ANO4: variants seen among roughly 807,000 people sequenced by gnomAD.
ANO4 encodes the protein anoctamin 4, also known as anoctamin-4.
A neutral mutation model predicts 141.9 loss-of-function variants in ANO4; 69 were observed. That is an observed-to-expected ratio of 0.49 (90% CI 0.40 to 0.59). The LOEUF (loss-of-function observed/expected upper bound fraction) is 0.59, where lower values mean the gene tolerates loss of function less well. ANO4 is among the 20% of genes least tolerant of loss of function. The probability of loss-of-function intolerance (pLI) is 0.00; values close to 1 mark genes in which losing one functional copy is unlikely to be tolerated. For missense variants in ANO4, 894 were observed against 1,162.2 expected, an observed-to-expected ratio of 0.77 and a Z score of 3.36; for synonymous variants, 350 against 394.3, an observed-to-expected ratio of 0.89 and a Z score of 1.33.
In ANO4 at chr12:101,098,982, A is replaced by G. The variant is rs60365308; in HGVS notation, c.2007-596A>G. 7.0e-3 allele frequency among the ~76,000 whole-genome samples: 1,069 copies of G among 152,218 alleles called. 11 individuals carry two copies. The highest frequency in any genetic ancestry group is 0.024 in the African/African-American group (1,015 of 41,542). On this transcript the variant is annotated intron_variant, in intron 21 of 27. Transcript: ENST00000392977. ...TTCCTCAATGCTTTCTCATATTACA[A>G]AATGCACTCCTGAACACTGCTAAGG...
rs57012797 is a variant in ANO4 at position 100,906,112 on chromosome 12, T to C, written c.55+4272T>C. Reference sequence around the variant, plus strand: ...AGTAGGACTAGTTATCATCATTGTGTAGTTTTTAATTTTGTGTAGCTACAT... The same window carrying C: ...AGTAGGACTAGTTATCATCATTGTGCAGTTTTTAATTTTGTGTAGCTACAT... On this transcript the variant is annotated intron_variant, in intron 2 of 27. Transcript: ENST00000392977. 7.0e-4 allele frequency among the ~76,000 whole-genome samples: 106 copies of C among 152,324 alleles called. 1 individual carries two copies. The East Asian group carries it at 0.017, about 25-fold the overall frequency.
intron 1 of ANO4, among the ~76,000 whole-genome samples, chr12:100,890,217 A>C (rs1236141429): frequency 6.6e-6 from 1 of 152,238 alleles, no homozygotes; most frequent in Non-Finnish European, 1.5e-5. Flanking sequence ...ATTGAAGCTC[A>C]CGTAGTAACT....
chr12:100,790,828 T>A (rs2034022743), upstream of ANO4, among the ~76,000 whole-genome samples: 1 of 152,204 alleles, frequency 6.6e-6, no homozygotes, highest in South Asian at 2.1e-4. Flanking sequence ...GAATGGTTGT[T>A]GCTATTTGCA....
At chr12:101,068,694 T>C (rs1593181842) in intron 14 of ANO4, 7 of 1,305,004 alleles carry the variant, frequency 5.4e-6, no homozygotes, top group Non-Finnish European at 6.6e-6. Context: ...GGATCAAAGA[T>C]TCTTGTGTGA....
At chr12:100,822,334 C>T (rs1481670931) in intron 1 of ANO4, among the ~76,000 whole-genome samples, 1 of 152,012 alleles carries the variant, frequency 6.6e-6, no homozygotes, top group East Asian at 1.9e-4. Context: ...TTCTTCACTT[C>T]TTTCCCCAAA....
intron 16 of ANO4, 140 bp from the exon 17 acceptor site, chr12:101,086,520 T>C: frequency 1.2e-6 from 1 of 830,178 alleles, no homozygotes. Context: ...CAATGAAAAG[T>C]ATGCATTTGA....
chr12:101,074,651 G>C (rs1370447506), intron 14 of ANO4, among the ~76,000 whole-genome samples: 1 of 152,124 alleles, frequency 6.6e-6, no homozygotes, highest in Non-Finnish European at 1.5e-5. Context: ...GTGATAGTTA[G>C]AACAGAATCA....
At chr12:101,034,796 C>A (rs547659671) in intron 9 of ANO4, among the ~76,000 whole-genome samples, 42 of 152,094 alleles carry the variant, frequency 2.8e-4, no homozygotes, top group Middle Eastern at 3.4e-3. Context: ...ATACAGATGG[C>A]AAACAGCACA....
chr12:100,914,197 T>A (rs1282707227), intron 2 of ANO4, among the ~76,000 whole-genome samples: 1 of 152,222 alleles, frequency 6.6e-6, no homozygotes, highest in Non-Finnish European at 1.5e-5. Flanking sequence ...GAGATCATGA[T>A]CTTACCAATC....
At chr12:101,053,698 A>G (rs1328402629) in intron 14 of ANO4, among the ~76,000 whole-genome samples, 3 of 152,208 alleles carry the variant, frequency 2.0e-5, no homozygotes, top group Admixed American at 6.5e-5. Flanking sequence ...TACTCCAGTT[A>G]TGACCCCATC....
Position 100,748,252 on chromosome 12 carries a change from C to T in ANO4, c.358+8147C>T, listed in dbSNP as rs371376790. ...AAATTGTGACCAGATACTTTCAGAACGGATGCCAAAGGAAACAGGTTTGAT... is the reference window on the plus strand; with the variant it reads ...AAATTGTGACCAGATACTTTCAGAATGGATGCCAAAGGAAACAGGTTTGAT... On this transcript the variant is annotated intron_variant, in intron 3 of 29. Transcript: ENST00000644049. Among the ~76,000 whole-genome samples the T allele has an allele frequency of 2.1e-4, 32 of 152,284 alleles. No homozygotes were observed. In the East Asian group the frequency reaches 4.6e-3, roughly 22 times the overall value.
chr12:100,742,923 T>C (rs558541397), intron 3 of ANO4, among the ~76,000 whole-genome samples: 2 of 152,338 alleles, frequency 1.3e-5, no homozygotes, highest in African/African-American at 2.4e-5. Flanking sequence ...TGAAACTGCA[T>C]AGTGGTCCTG....
chr12:100,803,748 T>G lies in ANO4; in HGVS notation c.-141+8721T>G, dbSNP rs112066036. ...TTGTCCTCAATTATAAAAATGAGAT[T>G]AACTAATTACCCCTACCTCAGAGTT... On this transcript the variant is annotated intron_variant, in intron 1 of 27. Transcript: ENST00000392977. Among the ~76,000 whole-genome samples the G allele has an allele frequency of 2.5e-4, 38 of 152,226 alleles. 2 individuals are homozygous for G. Among genetic ancestry groups the G allele is most frequent in the African/African-American group, 8.7e-4 (36 of 41,546 alleles).
chr12:101,010,860 T>C (rs1435832239), intron 8 of ANO4, among the ~76,000 whole-genome samples: 1 of 152,210 alleles, frequency 6.6e-6, no homozygotes, highest in East Asian at 1.9e-4. Context: ...TACTACAAAA[T>C]TTACTGACTT....
At chr12:100,838,820 G>C (rs776752180) in intron 1 of ANO4, among the ~76,000 whole-genome samples, 2 of 152,174 alleles carry the variant, frequency 1.3e-5, no homozygotes, top group Non-Finnish European at 2.9e-5. Flanking sequence ...ATTGCAGAGA[G>C]ACTGCAGGTA....
chr12:100,848,248 A>AT (rs2135838996), intron 1 of ANO4, among the ~76,000 whole-genome samples: 1 of 152,250 alleles, frequency 6.6e-6, no homozygotes, highest in East Asian at 1.9e-4. Flanking sequence ...GGATAGCCCA[A>AT]TAAAACCAAC....
At chr12:100,856,713 G>A (rs2038191889) in intron 1 of ANO4, among the ~76,000 whole-genome samples, 1 of 152,114 alleles carries the variant, frequency 6.6e-6, no homozygotes, top group African/African-American at 2.4e-5. Flanking sequence ...GTTTCAGCCT[G>A]AGCAAAGGCA....
At chr12:101,119,775 G>A (rs2051005162) in intron 25 of ANO4, among the ~76,000 whole-genome samples, 1 of 152,144 alleles carries the variant, frequency 6.6e-6, no homozygotes, top group Non-Finnish European at 1.5e-5. Flanking sequence ...TCCTGGTAAT[G>A]TTTTAGTTCT....
At chr12:100,818,038 A>G (rs2035830641) in intron 1 of ANO4, among the ~76,000 whole-genome samples, 1 of 151,716 alleles carries the variant, frequency 6.6e-6, no homozygotes, top group African/African-American at 2.4e-5. Context: ...TTCCCTTATT[A>G]TTATTATTAC....
Sources: allele counts gnomAD v4.1 joint callset (sites outside exome capture counted in the v4.1 genomes callset), GRCh38; gene constraint gnomAD v4.1.1; transcripts MANE v1.5; gene names NCBI Gene and HGNC (gene_info 2026-07-23, HGNC 2026-07-21).